MCC: variants seen among roughly 807,000 people sequenced by gnomAD.
MCC encodes the protein colorectal mutant cancer protein.
Under a neutral mutation model 116.2 loss-of-function variants are expected in MCC, and 90 were observed. The ratio of observed to expected loss-of-function variants is 0.77; its 90% confidence interval spans 0.65 to 0.92. The LOEUF (loss-of-function observed/expected upper bound fraction) is 0.92, where lower values mean the gene tolerates loss of function less well. Among genes scored for constraint, MCC ranks in the 40% least tolerant of loss-of-function variants. The probability of loss-of-function intolerance (pLI) is 0.00; values close to 1 mark genes in which losing one functional copy is unlikely to be tolerated. For missense variants in MCC, 1,516 were observed against 1,312.2 expected, an observed-to-expected ratio of 1.16 and a Z score of -2.40; for synonymous variants, 578 against 510.5, an observed-to-expected ratio of 1.13 and a Z score of -1.78.
At chr5:113,310,816 C>T (rs1037853518) in intron 3 of MCC, among the ~76,000 whole-genome samples, 1 of 152,178 alleles carries the variant, frequency 6.6e-6, no homozygotes, top group African/African-American at 2.4e-5. Flanking sequence ...AAGGTGGGAA[C>T]CTCCTTCAAA....
Position 113,084,043 on chromosome 5 carries a change from C to A in MCC, c.1635+58G>T, listed in dbSNP as rs1755034876. 7 of 1,331,318 alleles carry A rather than the reference C, an allele frequency of 5.3e-6. No individual in the cohort carries two copies. The South Asian group carries it at 5.9e-5, about 11-fold the overall frequency. 82.5% of individuals were successfully genotyped at this position (1,331,318 alleles called of 1,614,324 possible). A position where few individuals can be genotyped will look rare whatever the true frequency, so the allele number is the denominator to read the frequency against. On this transcript the variant is annotated intron_variant, in intron 10 of 18. Coordinates refer to ENST00000408903, the MANE Select transcript of MCC (RefSeq NM_001085377.2). ...TGGAAGTTCTTCTGTCATCTATAATCCATTGTCTGTGTAGCTCTGCCGGGT... is the reference window on the plus strand; with the variant it reads ...TGGAAGTTCTTCTGTCATCTATAATACATTGTCTGTGTAGCTCTGCCGGGT...
chr5:113,473,434 G>C (rs1772148554), intron 1 of MCC, among the ~76,000 whole-genome samples: 1 of 152,086 alleles, frequency 6.6e-6, no homozygotes, highest in African/African-American at 2.4e-5. Context: ...TGATGCGGGA[G>C]GGTTACTTGA....
chr5:113,030,615 G>C (rs1750886201), intron 17 of MCC, among the ~76,000 whole-genome samples: 1 of 152,136 alleles, frequency 6.6e-6, no homozygotes, highest in Admixed American at 6.5e-5. Flanking sequence ...AGGAGGTCAA[G>C]ACCAGTGAGC....
At chr5:113,370,357 G>T (rs1768806719) in intron 2 of MCC, among the ~76,000 whole-genome samples, 1 of 152,098 alleles carries the variant, frequency 6.6e-6, no homozygotes, top group Non-Finnish European at 1.5e-5. Flanking sequence ...TCCCAAACAG[G>T]GCAAAGTGAC....
chr5:113,431,030 T>A (rs1434260561), intron 1 of MCC, among the ~76,000 whole-genome samples: 1 of 151,952 alleles, frequency 6.6e-6, no homozygotes, highest in East Asian at 1.9e-4. Flanking sequence ...CAGAGAAGTA[T>A]GAGGGAAATT....
intron 2 of MCC, among the ~76,000 whole-genome samples, chr5:113,363,187 G>T (rs1413197585): frequency 3.3e-5 from 5 of 152,196 alleles, no homozygotes; most frequent in Non-Finnish European, 5.9e-5. Flanking sequence ...TGAGGCAGGA[G>T]AATTGCTTGA....
At chr5:113,459,692 C>T (rs1475025388) in intron 1 of MCC, among the ~76,000 whole-genome samples, 4 of 152,126 alleles carry the variant, frequency 2.6e-5, no homozygotes, top group Admixed American at 6.5e-5. Context: ...AAACCTCTGT[C>T]GCTGCTCGCC....
chr5:113,115,886 A>C (rs1042193715), intron 6 of MCC, among the ~76,000 whole-genome samples: 3 of 152,206 alleles, frequency 2.0e-5, no homozygotes, highest in Admixed American at 6.5e-5. Flanking sequence ...AATATACAAG[A>C]AAAGACTTAA....
intron 3 of MCC, among the ~76,000 whole-genome samples, chr5:113,302,307 A>C (rs1766882329): frequency 6.6e-6 from 1 of 152,188 alleles, no homozygotes; most frequent in South Asian, 2.1e-4. Context: ...TTTCTTCATC[A>C]AATAAAATGC....
At chr5:113,056,508 G>T (rs1169908803) in intron 14 of MCC, among the ~76,000 whole-genome samples, 2 of 152,180 alleles carry the variant, frequency 1.3e-5, no homozygotes, top group East Asian at 3.8e-4. Flanking sequence ...TTACTTATAA[G>T]TTGGAGCTAA....
intron 1 of MCC, among the ~76,000 whole-genome samples, chr5:113,387,596 C>T (rs116402203): frequency 0.021 from 3,207 of 152,246 alleles, 123 homozygotes; most frequent in African/African-American, 0.074. Flanking sequence ...TCTAGAAGTT[C>T]ATGTAATGTT....
chr5:113,041,781 G>C (rs930317085), intron 17 of MCC, among the ~76,000 whole-genome samples: 1 of 152,192 alleles, frequency 6.6e-6, no homozygotes, highest in Non-Finnish European at 1.5e-5. Context: ...GATCACATGA[G>C]GTCAGGAGTT....
At chr5:113,060,925 T>C (rs1753173455) in intron 14 of MCC, among the ~76,000 whole-genome samples, 1 of 152,222 alleles carries the variant, frequency 6.6e-6, no homozygotes, top group African/African-American at 2.4e-5. Context: ...CCAGATCTAG[T>C]CTGACTCTCA....
chr5:113,084,039 T>C (rs2150243802), intron 10 of MCC, 62 bp downstream of exon 10: 1 of 1,293,182 alleles, frequency 7.7e-7, no homozygotes, highest in African/African-American at 1.5e-5. Flanking sequence ...CTGTCATCTA[T>C]AATCCATTGT....
intron 1 of MCC, among the ~76,000 whole-genome samples, chr5:113,396,433 C>T (rs1769525447): frequency 6.6e-6 from 1 of 151,604 alleles, no homozygotes; most frequent in Non-Finnish European, 1.5e-5. Flanking sequence ...AAATTCAAGA[C>T]CAGCCTGGCC....
At chr5:113,327,220 GTA>G (rs1254668999) in intron 3 of MCC, among the ~76,000 whole-genome samples, 1 of 151,964 alleles carries the variant, frequency 6.6e-6, no homozygotes, top group Admixed American at 6.6e-5. Context: ...GAAAAGATAG[GTA>G]TGTGTGTGTT....
intron 3 of MCC, among the ~76,000 whole-genome samples, chr5:113,310,749 A>T (rs1384064935): frequency 6.6e-6 from 1 of 152,248 alleles, no homozygotes; most frequent in African/African-American, 2.4e-5. Flanking sequence ...AGAATTTGGG[A>T]ATTTGAAAAA....
chr5:113,046,997 G>A (rs1354809307), intron 16 of MCC, among the ~76,000 whole-genome samples: 3 of 152,228 alleles, frequency 2.0e-5, no homozygotes, highest in Non-Finnish European at 2.9e-5. Flanking sequence ...GCCATTAAAC[G>A]TGCTGTCCCA....
intron 3 of MCC, among the ~76,000 whole-genome samples, chr5:113,290,668 A>G (rs1181117698): frequency 6.6e-6 from 1 of 152,226 alleles, no homozygotes; most frequent in East Asian, 1.9e-4. Flanking sequence ...AGACCAATAG[A>G]GCTAACTGCT....
Sources: allele counts gnomAD v4.1 joint callset (sites outside exome capture counted in the v4.1 genomes callset), GRCh38; gene constraint gnomAD v4.1.1; transcripts MANE v1.5; gene names NCBI Gene and HGNC (gene_info 2026-07-23, HGNC 2026-07-21).